The following ZNF729 variants were observed in gnomAD, a reference collection of about 807,000 sequenced individuals.
ZNF729 encodes the protein zinc finger protein 729.
In ZNF729, 15 loss-of-function variants were observed where a neutral mutation model predicts 12.2. That is an observed-to-expected ratio of 1.23 (90% confidence interval 0.82 to 1.89). The LOEUF is 1.89. Among genes scored for constraint, ZNF729 ranks in the 40% most tolerant of loss-of-function variants. ZNF729 has a pLI of 0.00. For synonymous variants in ZNF729, 492 were observed against 476.3 expected, an observed-to-expected ratio of 1.03 and a Z score of -0.43; for missense variants, 1,540 against 1,456.7, an observed-to-expected ratio of 1.06 and a Z score of -0.93.
chr19:22,298,819 A>G (rs1212754374), intron 1 of ZNF729, among the ~76,000 whole-genome samples: 2 of 151,980 alleles, frequency 1.3e-5, no homozygotes, highest in African/African-American at 4.8e-5. Flanking sequence ...CAGCCTATTT[A>G]TAGCGTCTTT....
At chr19:22,298,120 C>T (rs1034075662) in intron 1 of ZNF729, among the ~76,000 whole-genome samples, 1 of 151,338 alleles carries the variant, frequency 6.6e-6, no homozygotes, top group South Asian at 2.1e-4. Flanking sequence ...GACAGAAAAC[C>T]GATTATACAA....
chr19:22,300,997 T>C (rs554109977), intron 1 of ZNF729, among the ~76,000 whole-genome samples: 2 of 152,322 alleles, frequency 1.3e-5, no homozygotes, highest in South Asian at 2.1e-4. Flanking sequence ...GTCCAACTTA[T>C]AGAGACATTA....
chr19:22,294,657 CT>C lies in ZNF729; in HGVS notation c.30+8119del, dbSNP rs71180535. On this transcript the variant is annotated intron_variant, in intron 1 of 3. Coordinates refer to ENST00000601693, the MANE Select transcript of ZNF729 (RefSeq NM_001242680.2). ...GGACTTTTTTTTTTTTTTTCTTTTT[CT>C]TTTTTTTTTTTTTTTTGAGTCCGAG... 4.8e-3 allele frequency among the ~76,000 whole-genome samples: 446 copies of C among 92,390 alleles called. 1 individual carries two copies. Among genetic ancestry groups the C allele is most frequent in the African/African-American group, 0.013 (329 of 24,830 alleles). 60.6% of individuals were successfully genotyped at this position (92,390 alleles called of 152,430 possible). A position where few individuals can be genotyped will look rare whatever the true frequency, so the allele number is the denominator to read the frequency against.
intron 3 of ZNF729, among the ~76,000 whole-genome samples, chr19:22,310,225 G>C (rs967542010): frequency 1.3e-5 from 2 of 151,916 alleles, no homozygotes; most frequent in African/African-American, 2.4e-5. Flanking sequence ...CTCTGGCTAA[G>C]ACTTCTAGTA....
chr19:22,298,735 A>G (rs926869910), intron 1 of ZNF729, among the ~76,000 whole-genome samples: 14 of 152,214 alleles, frequency 9.2e-5, no homozygotes, highest in African/African-American at 3.1e-4. Flanking sequence ...GCTGGTCTCA[A>G]ACTCCTGAGC....
chr19:22,287,329 C>T (rs1375042205), intron 1 of ZNF729, among the ~76,000 whole-genome samples: 20 of 151,282 alleles, frequency 1.3e-4, no homozygotes, highest in Admixed American at 9.2e-4. Context: ...TGCAATAGCG[C>T]GATCTCCTCT....
Position 22,314,098 on chromosome 19 carries a change from G to A in ZNF729, c.681G>A (p.Lys227=), listed in dbSNP as rs564619363. The change falls in exon 4 of 4, where the codon AAG becomes AAA. Residue 227 remains lysine, a synonymous_variant. Coordinates refer to ENST00000601693, the MANE Select transcript of ZNF729 (RefSeq NM_001242680.2). The part of the protein sequence containing the change: ...FKSFSTLTKH[K]IIHTEDKPYK... ...CGTTCTCAACCCTTACTAAACATAA[G>A]ATAATTCATACTGAAGACAAACCTT... 1.3e-6 allele frequency: 2 copies of A among 1,547,524 alleles called. No individual in the cohort carries two copies. Among genetic ancestry groups the A allele is most frequent in the East Asian group, 4.9e-5 (2 of 41,016 alleles).
In ZNF729 at chr19:22,313,868, A is replaced by G. The variant is rs1463671233; in HGVS notation, c.451A>G (p.Arg151Gly). 6.4e-7 allele frequency: 1 copy of G among 1,556,978 alleles called. No individual in the cohort carries two copies. Among genetic ancestry groups the G allele is most frequent in the Admixed American group, 2.0e-5 (1 of 50,046 alleles). Reference sequence around the variant, plus strand: ...TAACCAATGCAGGACAGCTACCCAGAGAAAAATATTTCAGTGTAACAAACA... The same window carrying G: ...TAACCAATGCAGGACAGCTACCCAGGGAAAAATATTTCAGTGTAACAAACA... Reference protein sequence around the residue: ...KLNQCRTATQRKIFQCNKHMK... With the variant: ...KLNQCRTATQGKIFQCNKHMK... Residue 151 changes from arginine (R) to glycine (G), a missense_variant, in exon 4 of 4, where the codon AGA (arginine) becomes GGA (glycine). By Grantham distance (125) the Arg-to-Gly change is moderately radical. Coordinates refer to ENST00000601693, the MANE Select transcript of ZNF729 (RefSeq NM_001242680.2).
chr19:22,291,968 G>A (rs1235195857), intron 1 of ZNF729, among the ~76,000 whole-genome samples: 14 of 152,114 alleles, frequency 9.2e-5, no homozygotes, highest in African/African-American at 1.2e-4. Flanking sequence ...TCCTGATCTC[G>A]TGATCCGCCC....
intron 3 of ZNF729, among the ~76,000 whole-genome samples, chr19:22,306,420 A>G (rs1968377744): frequency 6.8e-6 from 1 of 147,566 alleles, no homozygotes; most frequent in Non-Finnish European, 1.5e-5. Flanking sequence ...CCTGGGCAAC[A>G]GAGTGAGACT....
At chr19:22,298,670 T>C (rs1968264413) in intron 1 of ZNF729, among the ~76,000 whole-genome samples, 1 of 152,002 alleles carries the variant, frequency 6.6e-6, no homozygotes, top group Non-Finnish European at 1.5e-5. Context: ...CCCACCACCA[T>C]GCCTGGCTAA....
intron 1 of ZNF729, among the ~76,000 whole-genome samples, chr19:22,293,598 T>C (rs1441524695): frequency 6.8e-6 from 1 of 147,872 alleles, no homozygotes; most frequent in Non-Finnish European, 1.5e-5. Context: ...GTTCAAGAGA[T>C]TCTCCTGCCT....
chr19:22,308,024 C>G (rs1238629852), intron 3 of ZNF729, among the ~76,000 whole-genome samples: 1 of 152,004 alleles, frequency 6.6e-6, no homozygotes, highest in Non-Finnish European at 1.5e-5. Flanking sequence ...CCCTCCCGCT[C>G]TTCCCCTCAA....
rs780591033 is a variant in ZNF729, at chr19:22,315,783, T to A, written c.2366T>A (p.Ile789Asn). 14 of 1,610,158 alleles carry A rather than the reference T, an allele frequency of 8.7e-6. No homozygotes were observed. Among genetic ancestry groups the A allele is most frequent in the Non-Finnish European group, 1.1e-5 (13 of 1,179,622 alleles). ...TCAGCCCTTATGAAACATAAGGTAATTCATACTGGAGAGAAACCCTACAAG... is the reference window on the plus strand; with the variant it reads ...TCAGCCCTTATGAAACATAAGGTAAATCATACTGGAGAGAAACCCTACAAG... ...SFSALMKHKV[I>N]HTGEKPYKCE... Residue 789 changes from isoleucine (I) to asparagine (N), a missense_variant, in exon 4 of 4, where the codon ATT becomes AAT. Ile to Asn is a moderately radical substitution (Grantham distance 149). Transcript: ENST00000601693.
intron 1 of ZNF729, among the ~76,000 whole-genome samples, chr19:22,291,292 C>G (rs1481504757): frequency 6.6e-6 from 1 of 152,106 alleles, no homozygotes; most frequent in East Asian, 1.9e-4. Context: ...TTCAGATCTC[C>G]TCCCGGGGTG....
At position 22,315,184 on chromosome 19, in the gene ZNF729, A is replaced by G. The variant is rs533365210; in HGVS notation, c.1767A>G (p.Lys589=). 37 of 1,611,760 alleles carry G rather than the reference A, an allele frequency of 2.3e-5. No individual in the cohort carries two copies. The highest frequency in any genetic ancestry group is 2.9e-5 in the Non-Finnish European group (34 of 1,179,518). The change falls in exon 4 of 4, where the codon AAA becomes AAG. Residue 589 remains lysine, a synonymous_variant. Transcript: ENST00000601693. ...KAFKHFSALR[K]HKVIHTREKL... ...TTAAGCATTTCTCAGCCCTCAGAAAACATAAGGTAATTCATACTAGGGAGA... is the reference window on the plus strand; with the variant it reads ...TTAAGCATTTCTCAGCCCTCAGAAAGCATAAGGTAATTCATACTAGGGAGA...
Position 22,286,448 on chromosome 19 carries a change from C to T in ZNF729, c.-78C>T, listed in dbSNP as rs572957082. The T allele has an allele frequency of 1.3e-6, 2 of 1,578,952 alleles. No individual in the cohort carries two copies. ...TTGTTTCTGGTTGCAGCCGCAGTTC[C>T]CGGTCTCGCCTTCACTGCTGTGTGT... On this transcript the variant is annotated 5_prime_UTR_variant, in exon 1 of 4. Coordinates refer to ENST00000601693, the MANE Select transcript of ZNF729 (RefSeq NM_001242680.2).
chr19:22,315,417 A>G lies in ZNF729; in HGVS notation c.2000A>G (p.His667Arg), dbSNP rs766815340. ...GAAGAATGTGGCAAAGCTTTTAGCCATTTCTCAGCCCTTAGAAGACATAAG... is the reference window on the plus strand; with the variant it reads ...GAAGAATGTGGCAAAGCTTTTAGCCGTTTCTCAGCCCTTAGAAGACATAAG... Reference protein sequence around the residue: ...KCEECGKAFSHFSALRRHKII... With the variant: ...KCEECGKAFSRFSALRRHKII... Residue 667 changes from histidine (H) to arginine (R), a missense_variant, in exon 4 of 4, where the codon CAT (histidine) becomes CGT (arginine). Physicochemically the swap from His to Arg is conservative, Grantham distance 29. Coordinates refer to ENST00000601693, the MANE Select transcript of ZNF729 (RefSeq NM_001242680.2). 6.2e-7 allele frequency: 1 copy of G among 1,613,096 alleles called. No individual in the cohort carries two copies. The highest frequency in any genetic ancestry group is 1.1e-5 in the South Asian group (1 of 91,046).
intron 3 of ZNF729, among the ~76,000 whole-genome samples, chr19:22,311,156 C>T (rs62120019): frequency 0.12 from 18,145 of 151,790 alleles, 1,414 homozygotes; most frequent in Middle Eastern, 0.22. Flanking sequence ...TTTCATTTAT[C>T]TTTTGGTTTT....
Sources: gnomAD v4.1 joint callset for allele counts (sites outside exome capture counted in the v4.1 genomes callset) on GRCh38, gnomAD v4.1.1 for gene constraint, MANE v1.5 for transcripts, NCBI Gene and HGNC (gene_info 2026-07-23, HGNC 2026-07-21) for gene names.